The following CACNA1H variants were observed in gnomAD, a reference collection of about 807,000 sequenced individuals.
CACNA1H encodes voltage-dependent T-type calcium channel subunit alpha-1H.
In CACNA1H, 149 loss-of-function variants were observed where a neutral mutation model predicts 192.5. The observed-to-expected ratio is 0.77, with a 90% CI of 0.68 to 0.89. CACNA1H has a LOEUF of 0.89. Among genes scored for constraint, CACNA1H ranks in the 40% least tolerant of loss-of-function variants. CACNA1H has a pLI of 0.00. For synonymous variants in CACNA1H, 2,202 were observed against 1,475.2 expected (o/e 1.49, Z -11.29); for missense variants, 4,257 against 3,423.5 (o/e 1.24, Z -6.08).
intron 2 of CACNA1H, among the ~76,000 whole-genome samples, chr16:1,177,375 C>T (rs542384897): frequency 3.7e-4 from 57 of 152,346 alleles, no homozygotes; most frequent in African/African-American, 1.3e-3. Flanking sequence ...GGCCGAGGGC[C>T]CTCCTCATGG....
Position 1,207,863 on chromosome 16 carries a change from GC to G in CACNA1H, c.3154+4del. The G allele has an allele frequency of 6.3e-7, 1 of 1,582,576 alleles. No individual in the cohort carries two copies. Among genetic ancestry groups the G allele is most frequent in the Non-Finnish European group, 8.6e-7 (1 of 1,164,140 alleles). Reference sequence around the variant, plus strand: ...GCTCAGAGAACTCCAGACCACAGGTGCGTGTGGTCGGTGGGTGGTCCGGGTT... The same window carrying G: ...GCTCAGAGAACTCCAGACCACAGGTGGTGTGGTCGGTGGGTGGTCCGGGTT... On this transcript the variant is annotated splice_donor_region_variant and intron_variant, in intron 15 of 34. Coordinates refer to ENST00000348261, the MANE Select transcript of CACNA1H (RefSeq NM_021098.3).
chr16:1,158,395 TG>T (rs1962715904), intron 2 of CACNA1H, among the ~76,000 whole-genome samples: 2 of 151,670 alleles, frequency 1.3e-5, no homozygotes, highest in South Asian at 2.1e-4. Context: ...GCCGAGCGCC[TG>T]GGGGCAGCTC....
At chr16:1,173,303 G>A (rs1964547078) in intron 2 of CACNA1H, among the ~76,000 whole-genome samples, 2 of 152,162 alleles carry the variant, frequency 1.3e-5, no homozygotes, top group South Asian at 4.1e-4. Flanking sequence ...CAGGCAAAAG[G>A]TGGCCAGAGC....
chr16:1,211,636 G>A (rs72552044), intron 23 of CACNA1H, 30 bp downstream of exon 23: 3 of 1,609,548 alleles, frequency 1.9e-6, no homozygotes, highest in East Asian at 2.2e-5. Context: ...GGGAGCTGGG[G>A]GTCTCCAGGA....
At chr16:1,195,214 C>T (rs1291663592) in intron 3 of CACNA1H, 131 bp downstream of exon 3, 45 of 525,476 alleles carry the variant, frequency 8.6e-5, no homozygotes, top group African/African-American at 5.5e-5. Flanking sequence ...GGGATCAGGG[C>T]GAGGTTCACG....
Position 1,180,768 on chromosome 16 carries a change from C to T in CACNA1H, c.300-14204C>T, listed in dbSNP as rs534642819. On this transcript the variant is annotated intron_variant, in intron 2 of 34. Transcript: ENST00000348261. This position sits in a 1 kb window ranked among gnomAD's most constrained non-coding sequence, Gnocchi z 4.4. ...CCGCCGAATAGGGGCCTGTGGCTCCCACAGGGAGGCCCCTTAGGTGAAGAG... is the reference window on the plus strand; with the variant it reads ...CCGCCGAATAGGGGCCTGTGGCTCCTACAGGGAGGCCCCTTAGGTGAAGAG... 9.9e-5 allele frequency among the ~76,000 whole-genome samples: 15 copies of T among 152,238 alleles called. No homozygotes were observed. In the South Asian group the frequency reaches 1.9e-3, roughly 19 times the overall value.
At chr16:1,166,439 C>A (rs536046058) in intron 2 of CACNA1H, among the ~76,000 whole-genome samples, 11 of 152,248 alleles carry the variant, frequency 7.2e-5, no homozygotes, top group Non-Finnish European at 1.2e-4. Flanking sequence ...GGCACCAACT[C>A]ATTCCTGTTG....
chr16:1,212,172 G>T, intron 25 of CACNA1H, 34 bp downstream of exon 25: 1 of 1,579,356 alleles, frequency 6.3e-7, no homozygotes, highest in Non-Finnish European at 8.5e-7. Context: ...GCGGTGGCGG[G>T]TCGGTACCTG....
Position 1,167,171 on chromosome 16 carries a change from C to T in CACNA1H, c.299+13135C>T, listed in dbSNP as rs1253365802. Among the ~76,000 whole-genome samples the T allele has an allele frequency of 2.0e-5, 3 of 152,174 alleles. No individual in the cohort carries two copies. Among genetic ancestry groups the T allele is most frequent in the Non-Finnish European group, 2.9e-5 (2 of 68,012 alleles). ...GCCGACCCTTTGGGGCGTCTCCCAT[C>T]GGGAAATGGCAGCCCCTGACCTGCC... On this transcript the variant is annotated intron_variant, in intron 2 of 34. Transcript: ENST00000348261. This position sits in a 1 kb window ranked among gnomAD's most constrained non-coding sequence, Gnocchi z 4.2.
intron 11 of CACNA1H, among the ~76,000 whole-genome samples, 162 bp downstream of exon 11, chr16:1,205,427 G>A (rs939508220): frequency 2.0e-5 from 3 of 152,172 alleles, no homozygotes; most frequent in Admixed American, 1.3e-4. Flanking sequence ...AGTGGCCCAA[G>A]GGACCGTCCT....
At position 1,206,128 on chromosome 16, in the gene CACNA1H, G is replaced by A. The variant is rs564863554; in HGVS notation, c.2628G>A (p.Ala876=). The A allele has an allele frequency of 3.1e-5, 49 of 1,584,676 alleles. No homozygotes were observed. The highest frequency in any genetic ancestry group is 1.8e-4 in the Admixed American group (10 of 56,888). ...VISVWEIVGQ[A]DGGLSVLRTF... ...GCGTCTGGGAGATCGTGGGGCAGGC[G>A]GACGGTGGCTTGTCTGTGCTGCGCA... The change falls in exon 12 of 35, where the codon GCG becomes GCA. Residue 876 remains alanine, a synonymous_variant. Coordinates refer to ENST00000348261, the MANE Select transcript of CACNA1H (RefSeq NM_021098.3).
chr16:1,155,577 C>G (rs568303107), intron 2 of CACNA1H, among the ~76,000 whole-genome samples: 260 of 152,212 alleles, frequency 1.7e-3, no homozygotes, highest in African/African-American at 5.8e-3. Context: ...GTGTGCAGAC[C>G]GGAGAAGGGA....
At chr16:1,199,659 C>A (rs1039474073) in intron 6 of CACNA1H, among the ~76,000 whole-genome samples, 1 of 149,434 alleles carries the variant, frequency 6.7e-6, no homozygotes, top group Non-Finnish European at 1.5e-5. Context: ...CCCCGGGGTC[C>A]CCTCAACCCT....
chr16:1,213,777 C>T lies in CACNA1H; in HGVS notation c.4778-3C>T. The stretch of plus-strand genomic sequence containing the variant: ...CCGGCGCTCATGGCCGCCCTCCCCG[C>T]AGAGGCCCAGCGCCGGCCCTACTAT... On this transcript the variant is annotated splice_region_variant and splice_polypyrimidine_tract_variant and intron_variant, in intron 26 of 34. Coordinates refer to ENST00000348261, the MANE Select transcript of CACNA1H (RefSeq NM_021098.3). The T allele has an allele frequency of 3.2e-6, 5 of 1,549,548 alleles. No individual in the cohort carries two copies. Among genetic ancestry groups the T allele is most frequent in the Non-Finnish European group, 4.3e-6 (5 of 1,149,604 alleles).
chr16:1,161,049 A>G (rs1481406174), intron 2 of CACNA1H, among the ~76,000 whole-genome samples: 1 of 152,136 alleles, frequency 6.6e-6, no homozygotes, highest in Non-Finnish European at 1.5e-5. Context: ...CTGACCCCCA[A>G]GGTGTGTAGA....
intron 2 of CACNA1H, among the ~76,000 whole-genome samples, chr16:1,194,537 T>G (rs1477183670): frequency 6.6e-6 from 1 of 152,158 alleles, no homozygotes; most frequent in Non-Finnish European, 1.5e-5. Context: ...ACATTCCCCC[T>G]GCCCTGGGGC....
intron 27 of CACNA1H, 60 bp from the exon 28 acceptor site, chr16:1,214,912 G>C: frequency 2.3e-6 from 3 of 1,311,556 alleles, no homozygotes; most frequent in Non-Finnish European, 3.2e-6. Context: ...CAGAGTGGGA[G>C]CCAGGGGGAA....
Position 1,217,960 on chromosome 16 carries a change from G to A in CACNA1H, c.5365G>A (p.Ala1789Thr), listed in dbSNP as rs779609046. Residue 1789 changes from alanine (A) to threonine (T), a missense_variant, in exon 32 of 35, where the codon GCC (alanine) becomes ACC (threonine). Transcript: ENST00000348261. ...DNPCEGLSRHATFSNFGMAFL... is the reference protein window; with the variant it reads ...DNPCEGLSRHTTFSNFGMAFL... ...CCCCTGCGAGGGCCTGAGCAGGCAC[G>A]CCACCTTCAGCAACTTCGGCATGGC... 6.9e-6 allele frequency: 11 copies of A among 1,605,260 alleles called. No individual in the cohort carries two copies. Among genetic ancestry groups the A allele is most frequent in the South Asian group, 1.1e-5 (1 of 89,422 alleles).
At position 1,201,809 on chromosome 16, in the gene CACNA1H, T is replaced by C. The variant is rs60720455; in HGVS notation, c.1359T>C (p.Pro453=). The change falls in exon 9 of 35, where the codon CCT becomes CCC. Residue 453 remains proline (P), a synonymous_variant. Transcript: ENST00000348261. Reference sequence around the variant, plus strand: ...GCACGCTGGCCAGCTTCTCCGAGCCTGGCAGCTGCTACGAAGAGCTGCTGA... The same window carrying C: ...GCACGCTGGCCAGCTTCTCCGAGCCCGGCAGCTGCTACGAAGAGCTGCTGA... The part of the protein sequence containing the change: ...NDSTLASFSE[P]GSCYEELLKY... 9.8e-4 allele frequency: 1,560 copies of C among 1,587,998 alleles called. 9 individuals are homozygous for C. In the African/African-American group the frequency reaches 0.017, roughly 17 times the overall value.
Sources: allele counts gnomAD v4.1 joint callset (sites outside exome capture counted in the v4.1 genomes callset), GRCh38; gene constraint gnomAD v4.1.1; non-coding constraint Gnocchi (gnomAD v3.1); transcripts MANE v1.5; gene names NCBI Gene and HGNC (gene_info 2026-07-23, HGNC 2026-07-21).